ARHGEF7: variants seen among roughly 807,000 people sequenced by gnomAD.
ARHGEF7 encodes Rho guanine nucleotide exchange factor 7, also known as PAK-interacting exchange factor beta.
In ARHGEF7, 33 loss-of-function variants were observed where a neutral mutation model predicts 109.8. That is an observed-to-expected ratio of 0.30 (90% CI 0.23 to 0.40). The LOEUF is 0.40. Among genes scored for constraint, ARHGEF7 ranks in the 10% least tolerant of loss-of-function variants. The pLI is 1.00. For synonymous variants in ARHGEF7, 458 were observed against 424.6 expected (o/e 1.08, Z -0.97); for missense variants, 938 against 1,098.5 (o/e 0.85, Z 2.07).
chr13:111,291,971 T>C (rs1316385426), intron 18 of ARHGEF7, 147 bp from the exon 19 acceptor site: 2 of 666,912 alleles, frequency 3.0e-6, no homozygotes, highest in South Asian at 2.0e-5. Context: ...AAAATATGCA[T>C]TGTTGCCAAT....
intron 2 of ARHGEF7, among the ~76,000 whole-genome samples, chr13:111,188,235 A>T (rs1478494212): frequency 6.6e-6 from 1 of 152,192 alleles, no homozygotes; most frequent in African/African-American, 2.4e-5. Context: ...GCAAGGCCTT[A>T]GGCTGCCAGA....
chr13:111,212,227 A>G (rs947535545), intron 4 of ARHGEF7, among the ~76,000 whole-genome samples: 1 of 151,830 alleles, frequency 6.6e-6, no homozygotes, highest in Non-Finnish European at 1.5e-5. Context: ...GGAGGTTTTC[A>G]CTTGTCTGCG....
chr13:111,179,329 C>T (rs987110264), intron 2 of ARHGEF7, among the ~76,000 whole-genome samples: 2 of 152,114 alleles, frequency 1.3e-5, no homozygotes, highest in African/African-American at 4.8e-5. Flanking sequence ...GGTGATCCTC[C>T]CGCCTTGGCC....
intron 2 of ARHGEF7, among the ~76,000 whole-genome samples, chr13:111,156,352 A>G (rs765480267): frequency 1.3e-5 from 2 of 152,226 alleles, no homozygotes; most frequent in African/African-American, 2.4e-5. Context: ...GTAAAAAATT[A>G]GTTTTGACTT....
Position 111,156,056 on chromosome 13 carries a change from C to A in ARHGEF7, c.252+2065C>A, listed in dbSNP as rs1241921463. On this transcript the variant is annotated intron_variant, in intron 2 of 21. Coordinates refer to ENST00000646102, the MANE Select transcript of ARHGEF7 (RefSeq NM_001354046.2). The stretch of plus-strand genomic sequence containing the variant: ...GCTGAGATTGCCACTGCACTCCAGC[C>A]TGGGTGACAGAGCAAGACTCCCTCA... Among the ~76,000 whole-genome samples, 3 of 146,104 alleles carry A rather than the reference C, an allele frequency of 2.1e-5. No individual in the cohort carries two copies. The East Asian group carries it at 6.0e-4, about 29-fold the overall frequency.
At chr13:111,240,663 A>G (rs7492210) in intron 6 of ARHGEF7, among the ~76,000 whole-genome samples, 3,918 of 152,340 alleles carry the variant, frequency 0.026, 166 homozygotes, top group African/African-American at 0.09. Context: ...GGAATGGAGA[A>G]CATTAAATGA....
chr13:111,288,482 A>G (rs1347910557), intron 18 of ARHGEF7, 39 bp downstream of exon 18: 2 of 1,525,878 alleles, frequency 1.3e-6, no homozygotes, highest in Non-Finnish European at 1.8e-6. Context: ...GTGGTGGTTT[A>G]TTCTGTTTAG....
Position 111,275,662 on chromosome 13 carries a change from A to G in ARHGEF7, c.1403A>G (p.Gln468Arg). 6.2e-7 allele frequency: 1 copy of G among 1,614,144 alleles called. No individual in the cohort carries two copies. Among genetic ancestry groups the G allele is most frequent in the Non-Finnish European group, 8.5e-7 (1 of 1,180,016 alleles). The change falls in exon 12 of 22, where the codon CAG becomes CGG. Residue 468 changes from glutamine (Q) to arginine (R), a missense_variant. Coordinates refer to ENST00000646102, the MANE Select transcript of ARHGEF7 (RefSeq NM_001354046.2). ...ACTTACATGTCCCAGGTCCTGATTC[A>G]GTGTGCCGGAAGTGAGGTACTGCTG... is the stretch of plus-strand genomic sequence containing the variant. ...NVTYMSQVLI[Q>R]CAGSEEKNER... is the part of the protein sequence containing the mutation.
chr13:111,283,123 T>C lies in ARHGEF7; in HGVS notation c.1726-16T>C, dbSNP rs747649676. On this transcript the variant is annotated splice_polypyrimidine_tract_variant and intron_variant, in intron 15 of 21. Transcript: ENST00000646102. ...GTCTCATGTTCTCTGCCCTTCCCGC[T>C]CTGTGCCCTTGGCAGCTCCCCTCCC... The C allele has an allele frequency of 3.8e-6, 6 of 1,570,630 alleles. No individual in the cohort carries two copies. In the South Asian group the frequency reaches 5.9e-5, roughly 15 times the overall value.
chr13:111,274,912 C>A, intron 11 of ARHGEF7, 122 bp downstream of exon 11: 1 of 589,928 alleles, frequency 1.7e-6, no homozygotes, highest in Non-Finnish European at 2.6e-6. Context: ...GAAAGAAAAA[C>A]AGAGTCGGCA....
At chr13:111,136,274 A>G (rs1007145848) in intron 1 of ARHGEF7, among the ~76,000 whole-genome samples, 3 of 152,196 alleles carry the variant, frequency 2.0e-5, no homozygotes, top group African/African-American at 7.2e-5. Flanking sequence ...TCTCCACCCC[A>G]AATCAACAGA....
chr13:111,146,072 C>T (rs1255817091), intron 1 of ARHGEF7, among the ~76,000 whole-genome samples: 4 of 152,140 alleles, frequency 2.6e-5, no homozygotes, highest in African/African-American at 9.7e-5. Flanking sequence ...CAAGTAGGTC[C>T]AGCCGTGTTG....
intron 18 of ARHGEF7, among the ~76,000 whole-genome samples, chr13:111,291,035 C>T (rs761604961): frequency 6.6e-6 from 1 of 152,228 alleles, no homozygotes; most frequent in East Asian, 1.9e-4. Flanking sequence ...AACCAAACTT[C>T]CTTGGTATTG....
intron 5 of ARHGEF7, among the ~76,000 whole-genome samples, chr13:111,230,951 T>C (rs757999145): frequency 6.6e-6 from 1 of 152,272 alleles, no homozygotes; most frequent in African/African-American, 2.4e-5. Context: ...ACAGTTCTTA[T>C]AGTAAATTAA....
At chr13:111,257,977 TGAAA>T (rs1395934546) in intron 8 of ARHGEF7, among the ~76,000 whole-genome samples, 2 of 152,222 alleles carry the variant, frequency 1.3e-5, no homozygotes, top group African/African-American at 4.8e-5. Context: ...TAAATAAACT[TGAAA>T]GAGAGTCTAG....
chr13:111,198,778 C>G (rs2080873526), intron 2 of ARHGEF7, among the ~76,000 whole-genome samples: 1 of 152,174 alleles, frequency 6.6e-6, no homozygotes, highest in African/African-American at 2.4e-5. Flanking sequence ...CTGCTGCTGG[C>G]TTGGGTGGCC....
intron 5 of ARHGEF7, among the ~76,000 whole-genome samples, chr13:111,231,321 C>G (rs79577453): frequency 0.021 from 3,144 of 152,314 alleles, 90 homozygotes; most frequent in African/African-American, 0.07. Flanking sequence ...ATTGGTTTTC[C>G]TCCTTGTAGC....
At chr13:111,161,041 G>A (rs2076701786) in intron 2 of ARHGEF7, among the ~76,000 whole-genome samples, 1 of 152,204 alleles carries the variant, frequency 6.6e-6, no homozygotes, top group East Asian at 1.9e-4. Flanking sequence ...GACACTCAAA[G>A]GAAATGCTCA....
intron 13 of ARHGEF7, 90 bp downstream of exon 13, chr13:111,277,763 T>C (rs2092568476): frequency 1.1e-6 from 1 of 873,412 alleles, no homozygotes; most frequent in South Asian, 1.4e-5. Context: ...TACGTGTATC[T>C]ATCTGTGTAT....
Sources: gnomAD v4.1 joint callset for allele counts (sites outside exome capture counted in the v4.1 genomes callset) on GRCh38, gnomAD v4.1.1 for gene constraint, MANE v1.5 for transcripts, NCBI Gene and HGNC (gene_info 2026-07-23, HGNC 2026-07-21) for gene names.